SMIM13: variants seen among roughly 807,000 people sequenced by gnomAD.
SMIM13 encodes the protein UPF0766 protein C6orf228.
Under a neutral mutation model 5.9 loss-of-function variants are expected in SMIM13, and 3 were observed. The ratio of observed to expected loss-of-function variants is 0.51; its 90% confidence interval spans 0.23 to 1.31. The LOEUF is 1.31. SMIM13 is among the 40% of genes most tolerant of loss of function. The pLI is 0.18. For missense variants in SMIM13, 85 were observed against 109.9 expected, an observed-to-expected ratio of 0.77 and a Z score of 1.01; for synonymous variants, 55 against 46.0, an observed-to-expected ratio of 1.19 and a Z score of -0.79.
At chr6:11,097,086 C>G (rs1420812724) in intron 1 of SMIM13, among the ~76,000 whole-genome samples, 1 of 152,186 alleles carries the variant, frequency 6.6e-6, no homozygotes, top group Non-Finnish European at 1.5e-5. Context: ...GATCTGCCCA[C>G]CTCGACCTCC....
intron 1 of SMIM13, chr6:11,102,491 A>G (rs1214437010): frequency 2.6e-5 from 4 of 152,238 alleles, no homozygotes; most frequent in African/African-American, 9.6e-5. Flanking sequence ...TAGGCACATT[A>G]GCATTTTAGA....
chr6:11,132,187 G>A (rs1758457828), intron 1 of SMIM13, among the ~76,000 whole-genome samples: 1 of 152,172 alleles, frequency 6.6e-6, no homozygotes, highest in Admixed American at 6.6e-5. Context: ...AACATCATTA[G>A]TCATGAGGGA....
At chr6:11,122,801 C>T (rs1180297596) in intron 1 of SMIM13, among the ~76,000 whole-genome samples, 3 of 151,874 alleles carry the variant, frequency 2.0e-5, no homozygotes, top group African/African-American at 7.3e-5. Context: ...TGGGGTGGCT[C>T]CTGTGATAGA....
intron 1 of SMIM13, among the ~76,000 whole-genome samples, chr6:11,106,437 A>G (rs905761674): frequency 2.6e-5 from 4 of 152,200 alleles, no homozygotes; most frequent in African/African-American, 7.2e-5. Flanking sequence ...CCTGTTGAAT[A>G]GTTTTATTTA....
intron 1 of SMIM13, chr6:11,104,595 CA>C (rs747427247): frequency 6.2e-7 from 1 of 1,613,724 alleles, no homozygotes; most frequent in East Asian, 2.2e-5. Context: ...TTTATTTTCC[CA>C]AAAAAGAGAA....
intron 1 of SMIM13, among the ~76,000 whole-genome samples, chr6:11,118,614 A>G (rs938205855): frequency 1.3e-5 from 2 of 152,202 alleles, no homozygotes; most frequent in Admixed American, 6.5e-5. Flanking sequence ...TGCTAAAGCA[A>G]TTACCCAAAA....
Position 11,094,195 on chromosome 6 carries a change from T to C in SMIM13, c.-119T>C. On this transcript the variant is annotated 5_prime_UTR_variant, in exon 1 of 2. It removes an upstream start codon present in the reference 5' UTR. Coordinates refer to ENST00000416247, the MANE Select transcript of SMIM13 (RefSeq NM_001135575.2). ...CTGCCGAGGGGGCGCCAGCCGCCCA[T>C]GCCGCCCCGGCGCCCAGCCGCGCCT... 3.4e-6 allele frequency: 1 copy of C among 291,738 alleles called. No homozygotes were observed. Among genetic ancestry groups the C allele is most frequent in the Non-Finnish European group, 5.1e-6 (1 of 195,788 alleles). The allele number at this position is 291,738 out of a possible 1,614,324, so 18.1% of individuals were successfully genotyped here.
At chr6:11,106,418 C>T (rs1392678237) in intron 1 of SMIM13, among the ~76,000 whole-genome samples, 1 of 152,236 alleles carries the variant, frequency 6.6e-6, no homozygotes, top group East Asian at 1.9e-4. Context: ...AAAGTGCAGG[C>T]TTGACAAACC....
intron 1 of SMIM13, among the ~76,000 whole-genome samples, chr6:11,097,066 G>A (rs1413935660): frequency 1.3e-5 from 2 of 151,848 alleles, no homozygotes; most frequent in South Asian, 4.2e-4. Flanking sequence ...TCGAGCTCCC[G>A]ACCTCAGGTG....
intron 1 of SMIM13, among the ~76,000 whole-genome samples, chr6:11,128,095 G>A (rs572048901): frequency 1.3e-5 from 2 of 152,202 alleles, no homozygotes; most frequent in East Asian, 3.9e-4. Flanking sequence ...GAGTTTCTCC[G>A]CATAGCCACC....
intron 1 of SMIM13, among the ~76,000 whole-genome samples, chr6:11,114,709 G>A (rs1457946950): frequency 2.8e-5 from 4 of 140,830 alleles, no homozygotes; most frequent in East Asian, 4.3e-4. Context: ...AGTGATTCTC[G>A]TGCCTCAGCC....
intron 1 of SMIM13, among the ~76,000 whole-genome samples, chr6:11,116,740 A>C (rs925587256): frequency 3.3e-5 from 5 of 152,116 alleles, no homozygotes; most frequent in African/African-American, 7.2e-5. Context: ...TGGCCTGACT[A>C]GAGGTTTATA....
At chr6:11,122,819 C>T (rs1758328094) in intron 1 of SMIM13, among the ~76,000 whole-genome samples, 1 of 152,026 alleles carries the variant, frequency 6.6e-6, no homozygotes, top group Admixed American at 6.6e-5. Context: ...AGAGGCTGTC[C>T]TCCAAGAGCC....
At chr6:11,101,623 G>T (rs1757992370) in intron 1 of SMIM13, among the ~76,000 whole-genome samples, 1 of 152,108 alleles carries the variant, frequency 6.6e-6, no homozygotes, top group African/African-American at 2.4e-5. Context: ...GGAACAGGGA[G>T]ATGAAGACAC....
chr6:11,096,768 C>T lies in SMIM13; in HGVS notation c.76+2379C>T, dbSNP rs191451859. ...AGGCTGGAGTGCAATGGCGTGATCT[C>T]GGCTCACCGCAACCTCTGCCACCCG... On this transcript the variant is annotated intron_variant, in intron 1 of 1. Coordinates refer to ENST00000416247, the MANE Select transcript of SMIM13 (RefSeq NM_001135575.2). 5.9e-3 allele frequency among the ~76,000 whole-genome samples: 899 copies of T among 151,930 alleles called. 3 individuals are homozygous for T. The highest frequency in any genetic ancestry group is 0.024 in the South Asian group (116 of 4,816).
intron 1 of SMIM13, chr6:11,105,736 TG>T (rs1393607846): frequency 5.6e-6 from 1 of 177,976 alleles, no homozygotes; most frequent in East Asian, 1.6e-4. Context: ...TGTGAGCCTA[TG>T]GGGTATAGAG....
chr6:11,126,146 T>C (rs1581920286), intron 1 of SMIM13, among the ~76,000 whole-genome samples: 1 of 152,022 alleles, frequency 6.6e-6, no homozygotes, highest in Non-Finnish European at 1.5e-5. Context: ...GCCTCCCGGG[T>C]TCAAGCAATT....
chr6:11,126,843 T>C (rs1055209307), intron 1 of SMIM13, among the ~76,000 whole-genome samples: 1 of 152,174 alleles, frequency 6.6e-6, no homozygotes. Flanking sequence ...CATGTTTGCA[T>C]TGGGAAGCAT....
chr6:11,095,248 T>C (rs1049361745), intron 1 of SMIM13, among the ~76,000 whole-genome samples: 1 of 152,254 alleles, frequency 6.6e-6, no homozygotes, highest in Non-Finnish European at 1.5e-5. Flanking sequence ...GCTTGTTCAT[T>C]ACACGATAAA....
Sources: allele counts gnomAD v4.1 joint callset (sites outside exome capture counted in the v4.1 genomes callset), GRCh38; gene constraint gnomAD v4.1.1; transcripts MANE v1.5; gene names NCBI Gene and HGNC (gene_info 2026-07-23, HGNC 2026-07-21).